The following TRDN variants were observed in gnomAD, a reference collection of about 807,000 sequenced individuals.
TRDN encodes the protein triadin, also known as triadin in skeletal muscle.
TRDN carries 161 observed loss-of-function variants against 149.7 expected under a neutral mutation model. The ratio of observed to expected loss-of-function variants is 1.08; its 90% CI spans 0.95 to 1.23. The LOEUF is 1.23. Among genes scored for constraint, TRDN ranks in the 50% most tolerant of loss-of-function variants. The pLI is 0.00. For missense variants in TRDN, 896 were observed against 823.5 expected (o/e 1.09, Z -1.08); for synonymous variants, 294 against 250.5 (o/e 1.17, Z -1.64).
Position 123,396,366 on chromosome 6 carries a change from T to G in TRDN, c.1052-2689A>C, listed in dbSNP as rs189589571. Among the ~76,000 whole-genome samples the G allele has an allele frequency of 4.4e-4, 67 of 152,324 alleles. 1 individual carries two copies. Among genetic ancestry groups the G allele is most frequent in the Non-Finnish European group, 8.8e-4 (60 of 68,014 alleles). On this transcript the variant is annotated intron_variant, in intron 12 of 40. Transcript: ENST00000334268. The stretch of plus-strand genomic sequence containing the variant: ...TCTGTACTGCCTCCACTACACATAT[T>G]CTAATGAAAATTTCATCATATCAAA...
Position 123,548,613 on chromosome 6 carries a change from C to T in TRDN, c.233-1G>A. ...GAGCCAATCTTGGCAATAGAGCTTG[C>T]TAAAAGTAATTAAAAAAAAAAAAAA... is the stretch of plus-strand genomic sequence containing the variant. On this transcript the variant is annotated splice_acceptor_variant, in intron 2 of 40. Coordinates refer to ENST00000334268, the MANE Select transcript of TRDN (RefSeq NM_006073.4). LOFTEE classifies it high-confidence loss of function. The T allele has an allele frequency of 7.5e-7, 1 of 1,342,206 alleles. No individual in the cohort carries two copies. The allele number at this position is 1,342,206 out of a possible 1,614,324, so 83.1% of individuals were successfully genotyped here.
At chr6:123,625,837 G>A (rs767519327) in intron 1 of TRDN, among the ~76,000 whole-genome samples, 2 of 152,148 alleles carry the variant, frequency 1.3e-5, no homozygotes, top group Non-Finnish European at 1.5e-5. Context: ...TGAAGGTCTT[G>A]CCTTAATATT....
chr6:123,349,769 T>A (rs935982362), intron 21 of TRDN: 81 of 984,466 alleles, frequency 8.2e-5, no homozygotes, highest in Non-Finnish European at 9.5e-5. Flanking sequence ...GGAATAAATC[T>A]ACAATCAGTA....
At chr6:123,345,782 C>A (rs1163354660) in intron 21 of TRDN, among the ~76,000 whole-genome samples, 1 of 151,800 alleles carries the variant, frequency 6.6e-6, no homozygotes, top group Admixed American at 6.6e-5. Flanking sequence ...AAAAATATAC[C>A]TAAGTGTTTA....
At chr6:123,545,226 GC>G (rs1781054768) in intron 4 of TRDN, among the ~76,000 whole-genome samples, 1 of 151,806 alleles carries the variant, frequency 6.6e-6, no homozygotes, top group Non-Finnish European at 1.5e-5. Context: ...ATTCTACATT[GC>G]CCCCAAATTC....
intron 1 of TRDN, among the ~76,000 whole-genome samples, chr6:123,600,426 C>A (rs1784227906): frequency 6.6e-6 from 1 of 151,570 alleles, no homozygotes; most frequent in African/African-American, 2.4e-5. Context: ...AGAATGGAAC[C>A]CGGGTTGGGT....
chr6:123,289,071 A>T (rs1777906878), intron 24 of TRDN, among the ~76,000 whole-genome samples: 1 of 146,548 alleles, frequency 6.8e-6, no homozygotes, highest in Admixed American at 6.9e-5. Flanking sequence ...TATAGTATGT[A>T]TGTATAGTGT....
In TRDN at chr6:123,267,887, G is replaced by A. The variant is rs1777067447; in HGVS notation, c.1739-136C>T. On this transcript the variant is annotated intron_variant, in intron 31 of 40. Transcript: ENST00000334268. The stretch of plus-strand genomic sequence containing the variant: ...TCATTTTCATGTAATTTGAAACAAA[G>A]AAAGCATATTGCCATAAAAAAATTA... 1.6e-5 allele frequency: 10 copies of A among 637,424 alleles called. No individual in the cohort carries two copies. In the Admixed American group the frequency reaches 3.4e-4, roughly 22 times the overall value. 39.5% of individuals were successfully genotyped at this position (637,424 alleles called of 1,614,324 possible). A position where few individuals can be genotyped will look rare whatever the true frequency, so the allele number is the denominator to read the frequency against.
chr6:123,218,564 A>C lies in TRDN; in HGVS notation c.*37T>G, dbSNP rs760761989. ...CTGTGGACAAAACATCACATTTTTA[A>C]AATCTTAAAGCACTTGTAAGGGTCA... On this transcript the variant is annotated 3_prime_UTR_variant, in exon 41 of 41. Transcript: ENST00000334268. 6.3e-7 allele frequency: 1 copy of C among 1,575,216 alleles called. No homozygotes were observed.
At chr6:123,252,496 T>C in intron 37 of TRDN, 61 bp from the exon 38 acceptor site, 1 of 869,964 alleles carries the variant, frequency 1.1e-6, no homozygotes, top group Non-Finnish European at 1.8e-6. Context: ...AAATTATAAA[T>C]CAGTGGACTT....
At chr6:123,259,546 T>C (rs960090818) in intron 35 of TRDN, 78 bp downstream of exon 35, 3 of 931,348 alleles carry the variant, frequency 3.2e-6, no homozygotes, top group Non-Finnish European at 4.9e-6. Context: ...TTAAATCATA[T>C]AATTTGTATA....
At chr6:123,450,316 CAACT>C (rs1323290866) in intron 10 of TRDN, among the ~76,000 whole-genome samples, 1 of 152,088 alleles carries the variant, frequency 6.6e-6, no homozygotes, top group East Asian at 1.9e-4. Context: ...AATCACCAAC[CAACT>C]ATCTGCTGCC....
rs1241513532 is a variant in TRDN at position 123,478,939 on chromosome 6, G to GT, written c.854-13957dup. 3.9e-5 allele frequency among the ~76,000 whole-genome samples: 6 copies of GT among 152,014 alleles called. No individual in the cohort carries two copies. In the South Asian group the frequency reaches 8.3e-4, roughly 21 times the overall value. ...CATTTGTTTATTTACAAGTTTGTTT[G>GT]TTTTTTTAAATCTTCAGTAGACAAT... On this transcript the variant is annotated intron_variant, in intron 9 of 40. Transcript: ENST00000334268.
chr6:123,293,697 C>G (rs1426069859), intron 24 of TRDN, among the ~76,000 whole-genome samples: 1 of 152,140 alleles, frequency 6.6e-6, no homozygotes. Flanking sequence ...TGTGCCCCCT[C>G]TGGGCTCATT....
chr6:123,345,781 C>T (rs1356631458), intron 21 of TRDN, among the ~76,000 whole-genome samples: 1 of 151,898 alleles, frequency 6.6e-6, no homozygotes, highest in African/African-American at 2.4e-5. Flanking sequence ...AAAAAATATA[C>T]CTAAGTGTTT....
At chr6:123,224,501 C>G (rs4304186) in intron 38 of TRDN, among the ~76,000 whole-genome samples, 2,698 of 151,850 alleles carry the variant, frequency 0.018, 77 homozygotes, top group African/African-American at 0.061. Context: ...TTCACGCATA[C>G]AGCCTAGATA....
intron 38 of TRDN, among the ~76,000 whole-genome samples, chr6:123,238,831 T>C (rs942887731): frequency 1.3e-5 from 2 of 152,042 alleles, no homozygotes; most frequent in Admixed American, 1.3e-4. Flanking sequence ...TGCATAATAC[T>C]CTTTTTTGTT....
At chr6:123,378,852 A>G (rs28490589) in intron 16 of TRDN, among the ~76,000 whole-genome samples, 2 of 152,260 alleles carry the variant, frequency 1.3e-5, no homozygotes, top group South Asian at 4.1e-4. Flanking sequence ...GTTTCTTTTC[A>G]GGAATCTACT....
At chr6:123,474,830 G>A (rs1777378602) in intron 9 of TRDN, among the ~76,000 whole-genome samples, 1 of 151,776 alleles carries the variant, frequency 6.6e-6, no homozygotes, top group Non-Finnish European at 1.5e-5. Flanking sequence ...TGACTACTGG[G>A]TACATAACGA....
Sources: allele counts gnomAD v4.1 joint callset (sites outside exome capture counted in the v4.1 genomes callset), GRCh38; gene constraint gnomAD v4.1.1; transcripts MANE v1.5; gene names NCBI Gene and HGNC (gene_info 2026-07-23, HGNC 2026-07-21).